Variants in ACSS1 observed in about 807,000 individuals in gnomAD.
ACSS1 encodes acetyl-coenzyme A synthetase 2-like, mitochondrial.
In ACSS1, 42 loss-of-function variants were observed where a neutral mutation model predicts 75.3. That is an observed-to-expected ratio of 0.56 (90% confidence interval 0.44 to 0.72). The LOEUF (loss-of-function observed/expected upper bound fraction) is 0.72, where lower values mean the gene tolerates loss of function less well. Ranked by LOEUF, ACSS1 falls within the 30% of genes least tolerant of loss-of-function variation. The probability of loss-of-function intolerance (pLI) is 0.00; values close to 1 mark genes in which losing one functional copy is unlikely to be tolerated. For synonymous variants in ACSS1, 380 were observed against 376.8 expected, an observed-to-expected ratio of 1.01 and a Z score of -0.10; for missense variants, 782 against 935.7, an observed-to-expected ratio of 0.84 and a Z score of 2.14.
rs762695219 is a variant in ACSS1 at position 25,020,138 on chromosome 20, C to G, written c.1118G>C (p.Trp373Ser). 6.2e-7 allele frequency: 1 copy of G among 1,614,212 alleles called. No homozygotes were observed. The highest frequency in any genetic ancestry group is 8.5e-7 in the Non-Finnish European group (1 of 1,180,010). ...GATCTTCAACCTCTCTACTGTCTCC[C>G]AGTACCGACCTACAGAAAGGCCGAA... The part of the protein sequence containing the change: ...TPVYPNAGRY[W>S]ETVERLKINQ... Residue 373 changes from tryptophan to serine, a missense_variant, in exon 7 of 14, where the codon TGG becomes TCG. Around this residue, in one of 2 missense-constraint regions of ACSS1, gnomAD observed 405 missense variants for 552.6 expected, o/e 0.73. Transcript: ENST00000323482.
Position 25,026,059 on chromosome 20 carries a change from C to T in ACSS1, c.632-2418G>A, listed in dbSNP as rs115564622. On this transcript the variant is annotated intron_variant, in intron 3 of 13. Coordinates refer to ENST00000323482, the MANE Select transcript of ACSS1 (RefSeq NM_032501.4). ...CTGACCTCTACCCTCCCCTGCAACA[C>T]TCTCCACTCCTCAAGCAGCCTAAAG... 7.5e-3 allele frequency among the ~76,000 whole-genome samples: 1,136 copies of T among 152,316 alleles called. 17 individuals are homozygous for T. The highest frequency in any genetic ancestry group is 0.026 in the African/African-American group (1,097 of 41,554).
intron 12 of ACSS1, chr20:25,010,899 G>C: frequency 6.6e-6 from 1 of 152,216 alleles, no homozygotes. Flanking sequence ...AAGGTCCAGG[G>C]GCTGCCCTTT....
At chr20:25,033,779 G>A (rs986496492) in intron 2 of ACSS1, among the ~76,000 whole-genome samples, 2 of 152,230 alleles carry the variant, frequency 1.3e-5, no homozygotes, top group African/African-American at 4.8e-5. Flanking sequence ...GGGGTGGCAG[G>A]GAAGGGCAGC....
At chr20:25,015,318 T>G (rs984669438) in intron 7 of ACSS1, 88 bp from the exon 8 acceptor site, 1 of 1,188,606 alleles carries the variant, frequency 8.4e-7, no homozygotes, top group African/African-American at 1.5e-5. Context: ...TTTTTGTTTT[T>G]GTTTTTCTTT....
chr20:25,013,787 C>A, intron 9 of ACSS1, 125 bp from the exon 10 acceptor site: 1 of 1,406,774 alleles, frequency 7.1e-7, no homozygotes. Flanking sequence ...AGGAGGGCCC[C>A]AAGCCACCTG....
intron 3 of ACSS1, among the ~76,000 whole-genome samples, chr20:25,026,277 G>C (rs999438128): frequency 1.3e-5 from 2 of 152,164 alleles, no homozygotes; most frequent in Non-Finnish European, 2.9e-5. Context: ...TGCTCTTATA[G>C]AGAAGCAGGA....
Position 25,022,516 on chromosome 20 carries a change from G to T in ACSS1, c.960+424C>A, listed in dbSNP as rs370452074. ...CAAGACACATCAAGACATGCTGGAC[G>T]GGGCTGTGGCCATATGGGCCTGGAA... is the stretch of plus-strand genomic sequence containing the variant. On this transcript the variant is annotated intron_variant, in intron 5 of 13. Coordinates refer to ENST00000323482, the MANE Select transcript of ACSS1 (RefSeq NM_032501.4). Among the ~76,000 whole-genome samples the T allele has an allele frequency of 2.4e-4, 37 of 152,334 alleles. 1 individual carries two copies. The highest frequency in any genetic ancestry group is 8.9e-4 in the African/African-American group (37 of 41,586).
chr20:25,006,823 G>A lies in ACSS1; in HGVS notation c.*939C>T, dbSNP rs904645314. The A allele has an allele frequency of 8.5e-6, 13 of 1,535,140 alleles. No homozygotes were observed. Among genetic ancestry groups the A allele is most frequent in the Non-Finnish European group, 1.1e-5 (13 of 1,146,556 alleles). On this transcript the variant is annotated 3_prime_UTR_variant, in exon 14 of 14. Transcript: ENST00000323482. ...TCACCGCCCCAACCACAGAGTGAAG[G>A]TCAGGCAGCGTTTGCCAGGATTTGG...
At chr20:25,022,855 C>T in intron 5 of ACSS1, 85 bp downstream of exon 5, 1 of 1,464,422 alleles carries the variant, frequency 6.8e-7, no homozygotes, top group African/African-American at 1.4e-5. Context: ...CACCTACAGG[C>T]CTCGCTCTGC....
chr20:25,015,233 G>A lies in ACSS1; in HGVS notation c.1247-3C>T, dbSNP rs771318253. Reference sequence around the variant, plus strand: ...CTCACAGTTGATGGGCTCTCCCACTGAAACCACACAGAAAGAAAAAGATGT... The same window carrying A: ...CTCACAGTTGATGGGCTCTCCCACTAAAACCACACAGAAAGAAAAAGATGT... On this transcript the variant is annotated splice_polypyrimidine_tract_variant and splice_region_variant and intron_variant, in intron 7 of 13. Coordinates refer to ENST00000323482, the MANE Select transcript of ACSS1 (RefSeq NM_032501.4). The A allele has an allele frequency of 1.7e-5, 27 of 1,600,680 alleles. 1 individual carries two copies. The South Asian group carries it at 3.0e-4, about 18-fold the overall frequency.
At chr20:25,040,661 C>T (rs1265523730) in intron 2 of ACSS1, among the ~76,000 whole-genome samples, 2 of 152,216 alleles carry the variant, frequency 1.3e-5, no homozygotes, top group Non-Finnish European at 2.9e-5. Flanking sequence ...ATTCTCGGCT[C>T]CTGATAGGAC....
At chr20:25,044,820 C>T (rs6083727) in intron 2 of ACSS1, among the ~76,000 whole-genome samples, 19,218 of 152,156 alleles carry the variant, frequency 0.13, 1,287 homozygotes, top group Middle Eastern at 0.16. Flanking sequence ...CAGCTGGCTC[C>T]GGGCAGAGGA....
At chr20:25,025,947 G>A (rs2088708122) in intron 3 of ACSS1, among the ~76,000 whole-genome samples, 1 of 152,130 alleles carries the variant, frequency 6.6e-6, no homozygotes, top group African/African-American at 2.4e-5. Context: ...CCATGCAAGT[G>A]ACATAGCACA....
At chr20:25,025,504 C>T (rs1042458276) in intron 3 of ACSS1, among the ~76,000 whole-genome samples, 1 of 152,208 alleles carries the variant, frequency 6.6e-6, no homozygotes, top group Non-Finnish European at 1.5e-5. Context: ...GCTCAGAACA[C>T]TCATTTTTAG....
intron 1 of ACSS1, 104 bp downstream of exon 1, chr20:25,057,665 C>T: frequency 8.2e-7 from 1 of 1,215,282 alleles, no homozygotes; most frequent in African/African-American, 1.5e-5. Flanking sequence ...CCCTGCAGGG[C>T]TGCGATCCGC....
At chr20:25,039,116 C>T (rs935438924) in intron 2 of ACSS1, among the ~76,000 whole-genome samples, 2 of 152,200 alleles carry the variant, frequency 1.3e-5, no homozygotes, top group Non-Finnish European at 2.9e-5. Context: ...AGAGCAGGTT[C>T]CCATGGAGAA....
At chr20:25,052,943 T>G (rs1346680752) in intron 1 of ACSS1, among the ~76,000 whole-genome samples, 1 of 152,194 alleles carries the variant, frequency 6.6e-6, no homozygotes, top group Non-Finnish European at 1.5e-5. Flanking sequence ...ACGTACGAAT[T>G]TTCAAGTACT....
intron 3 of ACSS1, among the ~76,000 whole-genome samples, chr20:25,027,779 C>CAAAAAAAA (rs78414153): frequency 1.1e-4 from 8 of 75,348 alleles, no homozygotes; most frequent in Middle Eastern, 6.6e-3. Flanking sequence ...AGTGATCAGG[C>CAAAAAAAA]AAAAAAAAAA....
chr20:25,012,774 G>C, intron 11 of ACSS1, 38 bp downstream of exon 11: 1 of 1,613,514 alleles, frequency 6.2e-7, no homozygotes, highest in Non-Finnish European at 8.5e-7. Flanking sequence ...GCATCATGGA[G>C]GTGTAGGAGT....
Sources: gnomAD v4.1 joint callset for allele counts (sites outside exome capture counted in the v4.1 genomes callset) on GRCh38, gnomAD v4.1.1 for gene constraint, gnomAD v4.1.1 regional missense constraint, MANE v1.5 for transcripts, NCBI Gene and HGNC (gene_info 2026-07-23, HGNC 2026-07-21) for gene names.